FMN2: variants seen among roughly 807,000 people sequenced by gnomAD.
The protein encoded by FMN2 is formin-2.
Under a neutral mutation model 142.3 loss-of-function variants are expected in FMN2, and 51 were observed. The ratio of observed to expected loss-of-function variants is 0.36; its 90% CI spans 0.29 to 0.45. The LOEUF is 0.45. Ranked by LOEUF, FMN2 falls within the 20% of genes least tolerant of loss-of-function variation. The probability of loss-of-function intolerance (pLI) is 1.00; values close to 1 mark genes in which losing one functional copy is unlikely to be tolerated. For missense variants in FMN2, 1,936 were observed against 2,122.8 expected, an observed-to-expected ratio of 0.91 and a Z score of 1.73; for synonymous variants, 882 against 869.8, an observed-to-expected ratio of 1.01 and a Z score of -0.25.
At chr1:240,417,663 A>G (rs1454789899) in intron 15 of FMN2, among the ~76,000 whole-genome samples, 1 of 150,660 alleles carries the variant, frequency 6.6e-6, no homozygotes, top group Non-Finnish European at 1.5e-5. Context: ...TGGTTTGCAT[A>G]TGGGAGCAAC....
At chr1:240,205,232 GA>G (rs1224351506) in intron 4 of FMN2, among the ~76,000 whole-genome samples, 1 of 151,998 alleles carries the variant, frequency 6.6e-6, no homozygotes, top group African/African-American at 2.4e-5. Context: ...CTCAACACAA[GA>G]AGTCTCTCAT....
intron 16 of FMN2, among the ~76,000 whole-genome samples, chr1:240,464,687 C>T (rs899162577): frequency 2.6e-5 from 4 of 152,048 alleles, no homozygotes; most frequent in South Asian, 2.1e-4. Flanking sequence ...GTAAGGCATC[C>T]GTGCTGGCCC....
intron 17 of FMN2, 39 bp downstream of exon 17, chr1:240,472,492 C>T (rs762442192): frequency 3.0e-6 from 4 of 1,328,478 alleles, no homozygotes; most frequent in South Asian, 1.3e-5. Flanking sequence ...TTTTCTTTGG[C>T]TTTTAAATCC....
chr1:240,377,510 G>A (rs1264596785), intron 14 of FMN2, among the ~76,000 whole-genome samples: 1 of 152,104 alleles, frequency 6.6e-6, no homozygotes, highest in Non-Finnish European at 1.5e-5. Flanking sequence ...TATATTAGCA[G>A]TGCTGTGTTC....
chr1:240,398,971 A>T (rs903187820), intron 15 of FMN2, among the ~76,000 whole-genome samples: 1 of 152,022 alleles, frequency 6.6e-6, no homozygotes, highest in African/African-American at 2.4e-5. Flanking sequence ...GTTTGTTGTC[A>T]TGTTTCTCGC....
chr1:240,318,289 G>C (rs1016078506), intron 8 of FMN2, among the ~76,000 whole-genome samples: 1 of 152,274 alleles, frequency 6.6e-6, no homozygotes, highest in Admixed American at 6.5e-5. Flanking sequence ...CACCTCAATG[G>C]GACAGTTTTT....
chr1:240,352,323 A>G (rs1176830508), intron 13 of FMN2, among the ~76,000 whole-genome samples: 2 of 152,068 alleles, frequency 1.3e-5, no homozygotes, highest in African/African-American at 2.4e-5. Flanking sequence ...AGAGGCCGGT[A>G]GTAATCTCAG....
At chr1:240,243,423 C>A (rs1011494286) in intron 6 of FMN2, among the ~76,000 whole-genome samples, 4 of 152,152 alleles carry the variant, frequency 2.6e-5, no homozygotes, top group African/African-American at 9.7e-5. Context: ...TTTGTAAATT[C>A]CCAAGGGGCA....
chr1:240,405,559 G>C (rs1240972858), intron 15 of FMN2, among the ~76,000 whole-genome samples: 1 of 151,908 alleles, frequency 6.6e-6, no homozygotes, highest in South Asian at 2.1e-4. Flanking sequence ...CGGATGTTGC[G>C]GTAAGCTGAG....
intron 1 of FMN2, among the ~76,000 whole-genome samples, chr1:240,104,022 G>A (rs1451594490): frequency 6.6e-6 from 1 of 151,340 alleles, no homozygotes; most frequent in Non-Finnish European, 1.5e-5. Context: ...GACTACAGGC[G>A]CCCGCCACCT....
intron 16 of FMN2, among the ~76,000 whole-genome samples, chr1:240,450,860 G>A (rs780750259): frequency 6.6e-6 from 1 of 152,152 alleles, no homozygotes; most frequent in African/African-American, 2.4e-5. Flanking sequence ...TACAGAAAGG[G>A]CACGCAGACC....
At chr1:240,175,142 G>A (rs1012057494) in intron 2 of FMN2, among the ~76,000 whole-genome samples, 19 of 152,176 alleles carry the variant, frequency 1.2e-4, no homozygotes, top group African/African-American at 4.3e-4. Flanking sequence ...CATCCATGTG[G>A]TAGCATGTAT....
At chr1:240,388,532 G>C (rs968175556) in intron 14 of FMN2, among the ~76,000 whole-genome samples, 15 of 152,068 alleles carry the variant, frequency 9.9e-5, no homozygotes, top group African/African-American at 3.1e-4. Flanking sequence ...AGGTGGAGGA[G>C]AGGTGATTGC....
At chr1:240,289,279 T>C (rs1017335058) in intron 7 of FMN2, among the ~76,000 whole-genome samples, 5 of 152,094 alleles carry the variant, frequency 3.3e-5, no homozygotes, top group Non-Finnish European at 7.4e-5. Flanking sequence ...ATCCAACAGA[T>C]CCCTGATTTT....
Position 240,387,486 on chromosome 1 carries a change from A to T in FMN2, c.4859-5025A>T, listed in dbSNP as rs1247409385. Reference sequence around the variant, plus strand: ...TATGTCTTTAAAAAGTGGGGAGGGGACTAAGGAGCTATTAGCCTCTGTGTT... The same window carrying T: ...TATGTCTTTAAAAAGTGGGGAGGGGTCTAAGGAGCTATTAGCCTCTGTGTT... On this transcript the variant is annotated intron_variant, in intron 14 of 17. Transcript: ENST00000319653. Among the ~76,000 whole-genome samples, 23 of 152,178 alleles carry T rather than the reference A, an allele frequency of 1.5e-4. 1 individual carries two copies. The highest frequency in any genetic ancestry group is 1.4e-3 in the Admixed American group (22 of 15,268).
At chr1:240,406,759 G>A (rs577129556) in intron 15 of FMN2, among the ~76,000 whole-genome samples, 2 of 152,278 alleles carry the variant, frequency 1.3e-5, no homozygotes, top group African/African-American at 4.8e-5. Flanking sequence ...ATAAGCTCAT[G>A]AAGGATACCA....
At chr1:240,123,540 C>T (rs1434600234) in intron 2 of FMN2, among the ~76,000 whole-genome samples, 195 bp downstream of exon 2, 1 of 149,540 alleles carries the variant, frequency 6.7e-6, no homozygotes, top group African/African-American at 2.5e-5. Flanking sequence ...AAAAAACTAG[C>T]GTATTAAGTA....
chr1:240,168,562 C>T (rs907171438), intron 2 of FMN2, among the ~76,000 whole-genome samples: 1 of 152,170 alleles, frequency 6.6e-6, no homozygotes, highest in Non-Finnish European at 1.5e-5. Flanking sequence ...GCACTTCAGC[C>T]TGGGCCACAG....
chr1:240,413,373 TC>T (rs1041040476), intron 15 of FMN2, among the ~76,000 whole-genome samples: 2 of 151,830 alleles, frequency 1.3e-5, no homozygotes, highest in Admixed American at 1.3e-4. Context: ...GGTTAAAGGC[TC>T]ATAGGAGTGA....
Sources: allele counts gnomAD v4.1 joint callset (sites outside exome capture counted in the v4.1 genomes callset), GRCh38; gene constraint gnomAD v4.1.1; transcripts MANE v1.5; gene names NCBI Gene and HGNC (gene_info 2026-07-23, HGNC 2026-07-21).